Variants in APBA1 observed in about 807,000 individuals in gnomAD.
The protein encoded by APBA1 is amyloid-beta A4 precursor protein-binding family A member 1.
Under a neutral mutation model 86.6 loss-of-function variants are expected in APBA1, and 55 were observed. That is an observed-to-expected ratio of 0.64 (90% CI 0.51 to 0.80). The LOEUF (loss-of-function observed/expected upper bound fraction) is 0.80, where lower values mean the gene tolerates loss of function less well. Ranked by LOEUF, APBA1 falls within the 30% of genes least tolerant of loss-of-function variation. The probability of loss-of-function intolerance (pLI) is 0.00; values close to 1 mark genes in which losing one functional copy is unlikely to be tolerated. For missense variants in APBA1, 1,090 were observed against 1,183.0 expected (o/e 0.92, Z 1.15); for synonymous variants, 511 against 493.9 (o/e 1.03, Z -0.46).
chr9:69,634,444 T>C (rs1005386837), intron 1 of APBA1, among the ~76,000 whole-genome samples: 3 of 152,030 alleles, frequency 2.0e-5, no homozygotes, highest in African/African-American at 7.2e-5. Flanking sequence ...CTAAATAAAC[T>C]TGAAGGAATG....
intron 10 of APBA1, among the ~76,000 whole-genome samples, chr9:69,445,165 A>C (rs533323188): frequency 9.2e-5 from 14 of 152,332 alleles, no homozygotes; most frequent in Admixed American, 5.9e-4. Flanking sequence ...TTGCCTAAAA[A>C]ATTCATATTG....
chr9:69,600,853 A>G (rs1383280549), intron 1 of APBA1, among the ~76,000 whole-genome samples: 1 of 149,818 alleles, frequency 6.7e-6, no homozygotes, highest in African/African-American at 2.4e-5. Context: ...TAAAAAATAA[A>G]TAAAATATAA....
At chr9:69,669,656 T>C (rs1823909927) in intron 1 of APBA1, among the ~76,000 whole-genome samples, 1 of 152,200 alleles carries the variant, frequency 6.6e-6, no homozygotes, top group South Asian at 2.1e-4. Flanking sequence ...GTGCCTATTG[T>C]CCCAGCTACT....
intron 2 of APBA1, among the ~76,000 whole-genome samples, chr9:69,504,744 C>T (rs980589062): frequency 6.6e-6 from 1 of 151,948 alleles, no homozygotes; most frequent in Non-Finnish European, 1.5e-5. Context: ...CTTAGTGGGC[C>T]GTGTGTTCCC....
At position 69,512,248 on chromosome 9, in the gene APBA1, AAC is replaced by A. The variant is rs373180324; in HGVS notation, c.1200+3761_1200+3762del. 3.3e-3 allele frequency among the ~76,000 whole-genome samples: 499 copies of A among 152,238 alleles called. 2 individuals are homozygous for A. Among genetic ancestry groups the A allele is most frequent in the African/African-American group, 0.011 (470 of 41,540 alleles). On this transcript the variant is annotated intron_variant, in intron 2 of 12. Coordinates refer to ENST00000265381, the MANE Select transcript of APBA1 (RefSeq NM_001163.4). ...ATAAGTATTTTTTTCAAATGTTTAG[AAC>A]ACAGTTATTTTCTCTCAGTGCTGAG...
intron 1 of APBA1, among the ~76,000 whole-genome samples, chr9:69,539,231 A>T (rs1297455156): frequency 6.6e-6 from 1 of 152,154 alleles, no homozygotes; most frequent in Non-Finnish European, 1.5e-5. Context: ...GACAGCTCAA[A>T]CTGTTCCCCT....
At chr9:69,456,955 G>GCTGCTCTACAGACACATGC (rs376166290) in intron 7 of APBA1, 98 bp downstream of exon 7, 3 of 1,014,826 alleles carry the variant, frequency 3.0e-6, no homozygotes, top group African/African-American at 3.2e-5. Context: ...TCTAGGGACA[G>GCTGCTCTACAGACACATGC]CTGCTCTACA....
chr9:69,488,110 G>A (rs544365391), intron 2 of APBA1, among the ~76,000 whole-genome samples: 3 of 152,194 alleles, frequency 2.0e-5, no homozygotes, highest in South Asian at 4.2e-4. Flanking sequence ...GGTTAGAGAA[G>A]GAGTGATGAA....
chr9:69,600,085 C>G (rs1268506491), intron 1 of APBA1, among the ~76,000 whole-genome samples: 1 of 152,196 alleles, frequency 6.6e-6, no homozygotes, highest in Admixed American at 6.5e-5. Flanking sequence ...TCTTTCTAAT[C>G]TGTTGCCTCC....
chr9:69,523,477 G>GTATATATATATATATATATATGTATA (rs1163577400), intron 1 of APBA1, among the ~76,000 whole-genome samples: 11 of 80,630 alleles, frequency 1.4e-4, no homozygotes, highest in African/African-American at 6.0e-4. Flanking sequence ...ATATATATAT[G>GTATATATATATATATATATATGTATA]TATATATATA....
chr9:69,457,017 A>G, intron 7 of APBA1, 36 bp downstream of exon 7: 1 of 1,560,232 alleles, frequency 6.4e-7, no homozygotes, highest in East Asian at 2.2e-5. Context: ...GATGTCACTA[A>G]GCTTCACCCT....
chr9:69,566,979 GC>G lies in APBA1; in HGVS notation c.-69-49701del, dbSNP rs1235062002. On this transcript the variant is annotated intron_variant, in intron 1 of 12. Transcript: ENST00000265381. Reference sequence around the variant, plus strand: ...GTTATTTCTTCCTGTATCCCAACTGGCACCAATTAGATGTGCAACAAATATT... The same window carrying G: ...GTTATTTCTTCCTGTATCCCAACTGGACCAATTAGATGTGCAACAAATATT... Among the ~76,000 whole-genome samples, 4 of 152,180 alleles carry G rather than the reference GC, an allele frequency of 2.6e-5. No individual in the cohort carries two copies. In the East Asian group the frequency reaches 7.7e-4, roughly 29 times the overall value.
intron 1 of APBA1, among the ~76,000 whole-genome samples, chr9:69,636,816 A>C (rs1367334528): frequency 1.2e-4 from 3 of 24,970 alleles, no homozygotes; most frequent in Non-Finnish European, 1.1e-4. Context: ...AGAGAGAGAG[A>C]GAGAGAGAGA....
chr9:69,495,549 G>A (rs544343049), intron 2 of APBA1, among the ~76,000 whole-genome samples: 2 of 152,070 alleles, frequency 1.3e-5, no homozygotes, highest in East Asian at 1.9e-4. Flanking sequence ...CAGGGTGTCC[G>A]ACCCTCACAT....
chr9:69,613,205 C>T (rs935803402), intron 1 of APBA1, among the ~76,000 whole-genome samples: 1 of 122,232 alleles, frequency 8.2e-6, no homozygotes, highest in African/African-American at 3.7e-5. Context: ...ACTTTGATCT[C>T]CCTGTTAGAA....
At chr9:69,439,360 T>TCCTGCAGAGTGTTTTCCAACTTGGTTC (rs1166522982) in intron 11 of APBA1, among the ~76,000 whole-genome samples, 1 of 151,180 alleles carries the variant, frequency 6.6e-6, no homozygotes, top group Non-Finnish European at 1.5e-5. Context: ...CTGGATAATA[T>TCCTGCAGAGTGTTTTCCAACTTGGTTC]CCTGCAGAGT....
chr9:69,586,586 G>T (rs1822023562), intron 1 of APBA1, among the ~76,000 whole-genome samples: 1 of 152,138 alleles, frequency 6.6e-6, no homozygotes, highest in Non-Finnish European at 1.5e-5. Context: ...CCACAGTTTG[G>T]TGCTCTCATG....
intron 6 of APBA1, among the ~76,000 whole-genome samples, chr9:69,457,673 T>A (rs138820108): frequency 1.3e-3 from 203 of 152,244 alleles, no homozygotes; most frequent in African/African-American, 4.5e-3. Context: ...AGAGCCCCAA[T>A]GCCTCAACGT....
intron 1 of APBA1, among the ~76,000 whole-genome samples, chr9:69,574,038 T>C (rs1360064143): frequency 1.3e-5 from 2 of 152,230 alleles, no homozygotes; most frequent in Non-Finnish European, 2.9e-5. Flanking sequence ...AAAATAGTAA[T>C]TTATTTATGT....
Sources: gnomAD v4.1 joint callset for allele counts (sites outside exome capture counted in the v4.1 genomes callset) on GRCh38, gnomAD v4.1.1 for gene constraint, MANE v1.5 for transcripts, NCBI Gene and HGNC (gene_info 2026-07-23, HGNC 2026-07-21) for gene names.